The following NPAS3 variants were observed in gnomAD, a reference collection of about 807,000 sequenced individuals.
The protein encoded by NPAS3 is neuronal PAS domain protein 3.
NPAS3 carries 14 observed loss-of-function variants against 73.1 expected under a neutral mutation model. That is an observed-to-expected ratio of 0.19 (90% CI 0.13 to 0.30). The LOEUF is 0.30. Among genes scored for constraint, NPAS3 ranks in the 10% least tolerant of loss-of-function variants. NPAS3 has a pLI of 1.00. For synonymous variants in NPAS3, 620 were observed against 541.5 expected (o/e 1.14, Z -2.01); for missense variants, 1,096 against 1,250.0 (o/e 0.88, Z 1.86).
chr14:32,994,630 G>GTTTTTTTTTTTTTTTTTTTTTTTTT (rs777136450), intron 1 of NPAS3, among the ~76,000 whole-genome samples: 1 of 123,600 alleles, frequency 8.1e-6, no homozygotes, highest in Admixed American at 8.0e-5. Flanking sequence ...TTGTTTGTTT[G>GTTTTTTTTTTTTTTTTTTTTTTTTT]TTTTTGTTTT....
intron 1 of NPAS3, among the ~76,000 whole-genome samples, chr14:33,043,189 C>T (rs2040400343): frequency 6.6e-6 from 1 of 152,110 alleles, no homozygotes; most frequent in Non-Finnish European, 1.5e-5. Flanking sequence ...ATGATAAGAA[C>T]ACATTTCTAA....
intron 4 of NPAS3, among the ~76,000 whole-genome samples, chr14:33,446,054 C>A (rs990103029): frequency 6.6e-6 from 1 of 151,164 alleles, no homozygotes; most frequent in Non-Finnish European, 1.5e-5. Flanking sequence ...AGCTTCAATT[C>A]TCTAATCTTC....
intron 3 of NPAS3, among the ~76,000 whole-genome samples, chr14:33,285,735 T>G: frequency 6.6e-6 from 1 of 152,248 alleles, no homozygotes; most frequent in East Asian, 1.9e-4. Context: ...TTGAGACATT[T>G]GTACCTGCAG....
intron 2 of NPAS3, among the ~76,000 whole-genome samples, chr14:33,185,974 GAA>G (rs1328971380): frequency 6.6e-6 from 1 of 152,130 alleles, no homozygotes; most frequent in Non-Finnish European, 1.5e-5. Context: ...CACAAGGGAA[GAA>G]ATCAAGTGAA....
chr14:33,670,001 G>A (rs536155592), intron 5 of NPAS3, among the ~76,000 whole-genome samples: 36 of 151,912 alleles, frequency 2.4e-4, no homozygotes, highest in African/African-American at 8.0e-4. Context: ...CTGCAACCTC[G>A]GCCTCCCAGG....
intron 4 of NPAS3, among the ~76,000 whole-genome samples, chr14:33,394,393 A>T (rs1250944586): frequency 6.6e-6 from 1 of 152,184 alleles, no homozygotes; most frequent in Non-Finnish European, 1.5e-5. Context: ...GTTACTTAAT[A>T]TCACTCTTTA....
chr14:33,166,239 C>G (rs2045142164), intron 2 of NPAS3, among the ~76,000 whole-genome samples: 2 of 152,202 alleles, frequency 1.3e-5, no homozygotes. Flanking sequence ...TCATTTGGCA[C>G]TGGGCTTTAC....
chr14:33,022,966 C>T (rs114624547), intron 1 of NPAS3, among the ~76,000 whole-genome samples: 117 of 152,078 alleles, frequency 7.7e-4, no homozygotes, highest in African/African-American at 2.8e-3. Context: ...AATCTACTCC[C>T]CTTAAATTTT....
chr14:33,709,428 C>T (rs1045838835), intron 6 of NPAS3, among the ~76,000 whole-genome samples: 1 of 152,182 alleles, frequency 6.6e-6, no homozygotes, highest in African/African-American at 2.4e-5. Context: ...ATTCTCCCAT[C>T]CCTGGCCATC....
intron 5 of NPAS3, among the ~76,000 whole-genome samples, chr14:33,624,185 C>A (rs1411649623): frequency 6.6e-6 from 1 of 152,178 alleles, no homozygotes; most frequent in Non-Finnish European, 1.5e-5. Context: ...CTGTCTTACA[C>A]TCTCCTGGGA....
At chr14:33,196,125 A>G (rs548101918) in intron 2 of NPAS3, among the ~76,000 whole-genome samples, 5 of 151,996 alleles carry the variant, frequency 3.3e-5, no homozygotes, top group African/African-American at 9.6e-5. Flanking sequence ...CATGACTTGT[A>G]GATCGTATTT....
intron 6 of NPAS3, among the ~76,000 whole-genome samples, chr14:33,732,044 A>T (rs140611664): frequency 5.9e-4 from 90 of 152,308 alleles, no homozygotes; most frequent in African/African-American, 1.9e-3. Flanking sequence ...CAGAGCATGC[A>T]ACAATTATGA....
intron 4 of NPAS3, among the ~76,000 whole-genome samples, chr14:33,499,124 G>A (rs888939254): frequency 6.6e-5 from 10 of 151,778 alleles, no homozygotes; most frequent in Non-Finnish European, 1.5e-4. Context: ...CCTGAAACAA[G>A]TGACTATAAA....
chr14:33,619,797 T>C (rs1446857214), intron 5 of NPAS3, among the ~76,000 whole-genome samples: 1 of 152,226 alleles, frequency 6.6e-6, no homozygotes, highest in African/African-American at 2.4e-5. Context: ...CAATTGGGTA[T>C]AGACGAAGAT....
intron 1 of NPAS3, among the ~76,000 whole-genome samples, chr14:32,989,891 C>A (rs1301704200): frequency 6.6e-6 from 1 of 152,116 alleles, no homozygotes; most frequent in Middle Eastern, 3.2e-3. Context: ...CAGTGTGAAG[C>A]TCTTGCAGTT....
intron 2 of NPAS3, among the ~76,000 whole-genome samples, chr14:33,071,042 T>G (rs1220876703): frequency 6.6e-6 from 1 of 152,182 alleles, no homozygotes; most frequent in Non-Finnish European, 1.5e-5. Flanking sequence ...TCTATCAGTT[T>G]TCCTAGGTTT....
At chr14:33,663,816 T>C (rs2059377671) in intron 5 of NPAS3, among the ~76,000 whole-genome samples, 1 of 152,224 alleles carries the variant, frequency 6.6e-6, no homozygotes, top group Non-Finnish European at 1.5e-5. Context: ...TTCTAGATTT[T>C]CTATTTTATT....
upstream of NPAS3, among the ~76,000 whole-genome samples, chr14:32,935,300 C>G (rs374442185): frequency 9.9e-5 from 15 of 152,174 alleles, no homozygotes; most frequent in East Asian, 9.7e-4. Context: ...GCACAAGGTG[C>G]TTTTGCAAAG....
At chr14:33,571,392 G>A (rs543812317) in intron 5 of NPAS3, among the ~76,000 whole-genome samples, 66 of 152,242 alleles carry the variant, frequency 4.3e-4, no homozygotes, top group African/African-American at 1.5e-3. Flanking sequence ...GGAGCCTGGC[G>A]AAGTAGGCTA....
Sources: gnomAD v4.1 joint callset for allele counts (sites outside exome capture counted in the v4.1 genomes callset) on GRCh38, gnomAD v4.1.1 for gene constraint, MANE v1.5 for transcripts, NCBI Gene and HGNC (gene_info 2026-07-23, HGNC 2026-07-21) for gene names.